EPRS1: variants seen among roughly 807,000 people sequenced by gnomAD.
The protein encoded by EPRS1 is bifunctional glutamate/proline--tRNA ligase.
Under a neutral mutation model 188.3 loss-of-function variants are expected in EPRS1, and 107 were observed. That is an observed-to-expected ratio of 0.57 (90% CI 0.49 to 0.67). The LOEUF (loss-of-function observed/expected upper bound fraction) is 0.67, where lower values mean the gene tolerates loss of function less well. Ranked by LOEUF, EPRS1 falls within the 30% of genes least tolerant of loss-of-function variation. The pLI, the probability that EPRS1 is intolerant of heterozygous loss-of-function variation, is 0.00. For synonymous variants in EPRS1, 596 were observed against 593.1 expected (o/e 1.00, Z -0.07); for missense variants, 1,577 against 1,802.2 (o/e 0.88, Z 2.26).
intron 17 of EPRS1, among the ~76,000 whole-genome samples, chr1:219,999,988 A>G (rs968797119): frequency 2.6e-5 from 4 of 152,134 alleles, no homozygotes; most frequent in African/African-American, 4.8e-5. Flanking sequence ...ATAAAATAAA[A>G]TAAAAATAGA....
At chr1:219,979,925 A>G (rs1277460867) in intron 26 of EPRS1, among the ~76,000 whole-genome samples, 160 bp downstream of exon 26, 1 of 152,174 alleles carries the variant, frequency 6.6e-6, no homozygotes, top group African/African-American at 2.4e-5. Context: ...CGAACCATGG[A>G]GACAGAGGAA....
At chr1:220,004,721 TAC>T (rs1480859159) in intron 16 of EPRS1, among the ~76,000 whole-genome samples, 2 of 151,858 alleles carry the variant, frequency 1.3e-5, no homozygotes, top group African/African-American at 4.8e-5. Flanking sequence ...GCGTTTTGAC[TAC>T]ACAGTTACAG....
At chr1:220,000,583 G>A (rs1237079551) in intron 17 of EPRS1, among the ~76,000 whole-genome samples, 1 of 151,860 alleles carries the variant, frequency 6.6e-6, no homozygotes. Flanking sequence ...ACATGTAACT[G>A]GATTTATTAT....
At chr1:219,991,244 A>G (rs939814923) in intron 18 of EPRS1, among the ~76,000 whole-genome samples, 1 of 151,880 alleles carries the variant, frequency 6.6e-6, no homozygotes, top group Non-Finnish European at 1.5e-5. Flanking sequence ...AAAAAAAAAA[A>G]AAAACCTGGA....
At chr1:219,984,144 T>C in intron 21 of EPRS1, 62 bp downstream of exon 21, 2 of 1,164,148 alleles carry the variant, frequency 1.7e-6, no homozygotes, top group Non-Finnish European at 2.6e-6. Context: ...TTTTAGAATC[T>C]GAACATAAAA....
chr1:220,002,475 A>G (rs1202482878), intron 16 of EPRS1, among the ~76,000 whole-genome samples: 1 of 152,248 alleles, frequency 6.6e-6, no homozygotes, highest in Non-Finnish European at 1.5e-5. Flanking sequence ...AGTGAATGTT[A>G]ATGATACTCT....
rs1447126316 is a variant in EPRS1 at position 219,981,378 on chromosome 1, C to G, written c.3453G>C (p.Val1151=). Residue 1151 remains valine, a splice_region_variant and synonymous_variant, in exon 24 of 32, where the codon GTG becomes GTC. Transcript: ENST00000366923. ...PIKLNQWCNV[V]RWEFKHPQPF... ...AATACAAGAGGGGGTGAATACCTAC[C>G]ACCACATTGCACCACTGATTGAGCT... The G allele has an allele frequency of 6.3e-7, 1 of 1,595,578 alleles. No homozygotes were observed. Among genetic ancestry groups the G allele is most frequent in the African/African-American group, 1.4e-5 (1 of 74,030 alleles).
At chr1:219,982,683 C>T (rs942617432) in intron 23 of EPRS1, 89 bp downstream of exon 23, 24 of 949,924 alleles carry the variant, frequency 2.5e-5, no homozygotes, top group African/African-American at 1.3e-4. Context: ...GAGATTATAG[C>T]TATCACAAAG....
At chr1:220,045,735 G>A (rs765201858) in intron 1 of EPRS1, among the ~76,000 whole-genome samples, 1 of 152,150 alleles carries the variant, frequency 6.6e-6, no homozygotes, top group Non-Finnish European at 1.5e-5. Context: ...AGTCTACAGT[G>A]TACCTGGGTG....
intron 2 of EPRS1, among the ~76,000 whole-genome samples, chr1:220,036,809 G>A (rs545524829): frequency 1.4e-4 from 22 of 152,178 alleles, no homozygotes; most frequent in Admixed American, 1.3e-3. Flanking sequence ...ACCTGCACAT[G>A]TACCACTGAA....
chr1:220,035,819 AAAAT>A (rs1046543294), intron 2 of EPRS1, among the ~76,000 whole-genome samples: 4 of 152,162 alleles, frequency 2.6e-5, no homozygotes, highest in African/African-American at 9.7e-5. Context: ...TGTCTCAAAA[AAAAT>A]AAATAAATAA....
rs200589124 is a variant in EPRS1 at position 220,026,511 on chromosome 1, G to GT, written c.624-1254dup. Among the ~76,000 whole-genome samples the GT allele has an allele frequency of 8.1e-3, 1,222 of 151,716 alleles. 13 individuals are homozygous for GT. The highest frequency in any genetic ancestry group is 0.01 in the Non-Finnish European group (687 of 67,848). Reference sequence around the variant, plus strand: ...TTATAATGATGGCAGCAGTGGTACAGTTTTTTTTGTTGTTGTTGTTTTGTT... The same window carrying GT: ...TTATAATGATGGCAGCAGTGGTACAGTTTTTTTTTGTTGTTGTTGTTTTGTT... On this transcript the variant is annotated intron_variant, in intron 6 of 31. Transcript: ENST00000366923.
chr1:220,045,098 T>A (rs1662375846), intron 1 of EPRS1, among the ~76,000 whole-genome samples: 1 of 152,258 alleles, frequency 6.6e-6, no homozygotes, highest in South Asian at 2.1e-4. Flanking sequence ...AAGTTGAGAA[T>A]ATAATGAATA....
chr1:219,988,477 A>G (rs1685595964), intron 19 of EPRS1, 113 bp downstream of exon 19: 1 of 669,654 alleles, frequency 1.5e-6, no homozygotes, highest in African/African-American at 1.8e-5. Flanking sequence ...AGAATTAAGA[A>G]CTGAAATATG....
chr1:220,008,309 A>G (rs1211092467), intron 13 of EPRS1, among the ~76,000 whole-genome samples: 1 of 151,992 alleles, frequency 6.6e-6, no homozygotes, highest in Admixed American at 6.5e-5. Flanking sequence ...AGATAAGTAA[A>G]TTTTCTGCCT....
At chr1:220,020,289 C>A in intron 9 of EPRS1, 68 bp from the exon 10 acceptor site, 1 of 951,556 alleles carries the variant, frequency 1.1e-6, no homozygotes, top group Non-Finnish European at 1.6e-6. Context: ...GCATTATAAA[C>A]AACAATACTA....
chr1:220,020,870 A>ATATATATG lies in EPRS1; in HGVS notation c.1116-650_1116-649insCATATATA, dbSNP rs1219334636. On this transcript the variant is annotated intron_variant, in intron 9 of 31. Transcript: ENST00000366923. ...TATATATATATATATATATATATAT[A>ATATATATG]TTAGTGCATTATGCTTTCTTTCTTT... 8.0e-4 allele frequency among the ~76,000 whole-genome samples: 62 copies of ATATATATG among 77,290 alleles called. 3 individuals carry two copies. Among genetic ancestry groups the ATATATATG allele is most frequent in the Admixed American group, 1.4e-3 (10 of 7,276 alleles). 50.7% of individuals were successfully genotyped at this position (77,290 alleles called of 152,430 possible).
chr1:219,980,298 CTA>C, intron 25 of EPRS1, 58 bp from the exon 26 acceptor site: 2 of 1,323,094 alleles, frequency 1.5e-6, no homozygotes, highest in Non-Finnish European at 2.1e-6. Context: ...TCATTAAGAT[CTA>C]TAAAACTGCA....
rs1662121382 is a variant in EPRS1 at position 220,033,408 on chromosome 1, TATACATACATGC to T, written c.388+82_388+93del. ...GTCTAAACATATATATACACACACA[TATACATACATGC>T]ATACACACAGAAATATATATAATTT... On this transcript the variant is annotated intron_variant, in intron 4 of 31. Transcript: ENST00000366923. 5 of 870,156 alleles carry T rather than the reference TATACATACATGC, an allele frequency of 5.7e-6. No individual in the cohort carries two copies. The East Asian group carries it at 9.9e-5, about 17-fold the overall frequency. 53.9% of individuals were successfully genotyped at this position (870,156 alleles called of 1,614,324 possible). A position where few individuals can be genotyped will look rare whatever the true frequency, so the allele number is the denominator to read the frequency against.
Sources: gnomAD v4.1 joint callset for allele counts (sites outside exome capture counted in the v4.1 genomes callset) on GRCh38, gnomAD v4.1.1 for gene constraint, MANE v1.5 for transcripts, NCBI Gene and HGNC (gene_info 2026-07-23, HGNC 2026-07-21) for gene names.